Variants in MBOAT2 observed in about 807,000 individuals in gnomAD.
MBOAT2 encodes the protein membrane-bound glycerophospholipid O-acyltransferase 2.
In MBOAT2, 28 loss-of-function variants were observed where a neutral mutation model predicts 63.4. The observed-to-expected ratio is 0.44, with a 90% CI of 0.33 to 0.61. MBOAT2 has a LOEUF of 0.61. Among genes scored for constraint, MBOAT2 ranks in the 20% least tolerant of loss-of-function variants. The pLI is 0.03. For synonymous variants in MBOAT2, 211 were observed against 215.6 expected (o/e 0.98, Z 0.19); for missense variants, 470 against 605.8 (o/e 0.78, Z 2.35).
intron 6 of MBOAT2, among the ~76,000 whole-genome samples, chr2:8,877,720 T>C (rs1662798044): frequency 6.6e-6 from 1 of 152,236 alleles, no homozygotes; most frequent in Non-Finnish European, 1.5e-5. Context: ...TATTAAGAAG[T>C]CAGAGAAGGC....
At chr2:8,943,003 C>T (rs1203860338) in intron 3 of MBOAT2, among the ~76,000 whole-genome samples, 184 bp downstream of exon 3, 2 of 152,146 alleles carry the variant, frequency 1.3e-5, no homozygotes, top group Non-Finnish European at 2.9e-5. Flanking sequence ...AAAATGTCAA[C>T]GGTGCTTTAA....
rs559789224 is a variant in MBOAT2, at chr2:8,917,223, A to T, written c.300-8507T>A. Among the ~76,000 whole-genome samples the T allele has an allele frequency of 7.2e-5, 11 of 152,300 alleles. No individual in the cohort carries two copies. In the East Asian group the frequency reaches 1.7e-3, roughly 24 times the overall value. ...AAGGGCAGGCACAGGTTTCTTAGTA[A>T]AAGATAAAAAGCTCCAAACTAAAAA... On this transcript the variant is annotated intron_variant, in intron 3 of 12. Coordinates refer to ENST00000305997, the MANE Select transcript of MBOAT2 (RefSeq NM_138799.4).
intron 1 of MBOAT2, among the ~76,000 whole-genome samples, chr2:8,962,384 CT>C (rs1669675691): frequency 3.3e-5 from 5 of 152,204 alleles, no homozygotes. Flanking sequence ...ATCTGATTCT[CT>C]TCTCCTTCTG....
chr2:8,969,624 C>T (rs571103530), intron 1 of MBOAT2, among the ~76,000 whole-genome samples: 2 of 152,236 alleles, frequency 1.3e-5, no homozygotes, highest in African/African-American at 4.8e-5. Flanking sequence ...TCAGGAGACC[C>T]ATCTCATGTG....
intron 3 of MBOAT2, among the ~76,000 whole-genome samples, chr2:8,933,317 T>C (rs975107183): frequency 6.6e-6 from 1 of 152,202 alleles, no homozygotes; most frequent in Non-Finnish European, 1.5e-5. Context: ...ATCAGATATA[T>C]CATCAAATTG....
intron 2 of MBOAT2, 75 bp downstream of exon 2, chr2:8,958,422 G>A (rs1309094230): frequency 4.4e-6 from 6 of 1,351,902 alleles, no homozygotes; most frequent in Non-Finnish European, 5.9e-6. Context: ...CCTACATAAT[G>A]TATCTTTCCA....
At chr2:8,916,469 T>C (rs1398673177) in intron 3 of MBOAT2, among the ~76,000 whole-genome samples, 1 of 152,224 alleles carries the variant, frequency 6.6e-6, no homozygotes, top group Non-Finnish European at 1.5e-5. Flanking sequence ...ATCTGTTCAC[T>C]TACGTGTTGG....
chr2:8,969,290 G>GA (rs931591980), intron 1 of MBOAT2, among the ~76,000 whole-genome samples: 7 of 152,062 alleles, frequency 4.6e-5, no homozygotes, highest in Non-Finnish European at 7.3e-5. Context: ...AAGTGAAGGA[G>GA]AAATAAAATA....
At chr2:8,884,814 A>G (rs1161834550) in intron 5 of MBOAT2, among the ~76,000 whole-genome samples, 1 of 152,248 alleles carries the variant, frequency 6.6e-6, no homozygotes, top group Non-Finnish European at 1.5e-5. Context: ...TCAAAAGTCT[A>G]CACGCACAAC....
At chr2:8,939,582 C>CA (rs1667904568) in intron 3 of MBOAT2, among the ~76,000 whole-genome samples, 2 of 152,140 alleles carry the variant, frequency 1.3e-5, no homozygotes, top group South Asian at 4.1e-4. Context: ...GTCAGAGACA[C>CA]AGTCAGGCCA....
chr2:8,895,495 C>T (rs1664383883), intron 4 of MBOAT2, among the ~76,000 whole-genome samples: 2 of 152,174 alleles, frequency 1.3e-5, no homozygotes, highest in African/African-American at 4.8e-5. Context: ...TAGCTAGACA[C>T]AGAGCGCTGA....
At chr2:8,967,935 T>G (rs770157943) in intron 1 of MBOAT2, among the ~76,000 whole-genome samples, 1 of 152,140 alleles carries the variant, frequency 6.6e-6, no homozygotes, top group African/African-American at 2.4e-5. Context: ...AGTTCCAAGA[T>G]GGCCGAATAG....
intron 3 of MBOAT2, among the ~76,000 whole-genome samples, chr2:8,941,949 T>A (rs187778996): frequency 2.0e-5 from 3 of 152,350 alleles, no homozygotes; most frequent in Admixed American, 6.5e-5. Context: ...CTAAACCTGA[T>A]TAATATCTTT....
chr2:8,908,590 A>G (rs778563845), intron 4 of MBOAT2, 31 bp downstream of exon 4: 1 of 1,276,998 alleles, frequency 7.8e-7, no homozygotes, highest in Non-Finnish European at 1.1e-6. Flanking sequence ...AATGGATAAA[A>G]CAGGCTACTG....
At position 8,859,787 on chromosome 2, in the gene MBOAT2, T is replaced by C. The variant is rs142877014; in HGVS notation, c.1337+826A>G. Reference sequence around the variant, plus strand: ...GCAGGGAGAGGAGATAAGTAGATTATAAAAATACAGAATTCGAGACAAGAC... The same window carrying C: ...GCAGGGAGAGGAGATAAGTAGATTACAAAAATACAGAATTCGAGACAAGAC... On this transcript the variant is annotated intron_variant, in intron 12 of 12. Coordinates refer to ENST00000305997, the MANE Select transcript of MBOAT2 (RefSeq NM_138799.4). 2.4e-4 allele frequency among the ~76,000 whole-genome samples: 37 copies of C among 152,288 alleles called. No individual in the cohort carries two copies. In the East Asian group the frequency reaches 7.1e-3, roughly 29 times the overall value.
chr2:8,963,802 C>T (rs573862843), intron 1 of MBOAT2, among the ~76,000 whole-genome samples: 1 of 152,292 alleles, frequency 6.6e-6, no homozygotes, highest in South Asian at 2.1e-4. Context: ...TATGCTTTTA[C>T]TATGTGCTAG....
In MBOAT2 at chr2:8,858,779, T is replaced by C. The variant is rs1661288552; in HGVS notation, c.1463A>G (p.Glu488Gly). Residue 488 changes from glutamate to glycine, a missense_variant, in exon 13 of 13, where the codon GAA (glutamate) becomes GGA (glycine). By Grantham distance (98) the Glu-to-Gly change is moderately conservative. Around this residue, in one of 3 missense-constraint regions of MBOAT2, gnomAD observed 90 missense variants for 84.9 expected, o/e 1.06. Transcript: ENST00000305997. ...GTTCTGTCCCAAAGAATTTTCTCCTTCATCAAACTTTTTGGATTGTGAGAG... is the reference window on the plus strand; with the variant it reads ...GTTCTGTCCCAAAGAATTTTCTCCTCCATCAAACTTTTTGGATTGTGAGAG... ...IQLSQSKKFD[E>G]GENSLGQNSF... 3 of 1,614,042 alleles carry C rather than the reference T, an allele frequency of 1.9e-6. No individual in the cohort carries two copies. The highest frequency in any genetic ancestry group is 1.3e-5 in the African/African-American group (1 of 74,936).
Position 8,862,828 on chromosome 2 carries a change from G to T in MBOAT2, c.1053-106C>A. The T allele has an allele frequency of 1.5e-6, 2 of 1,349,102 alleles. No individual in the cohort carries two copies. The highest frequency in any genetic ancestry group is 9.9e-7 in the Non-Finnish European group (1 of 1,006,174). 83.6% of individuals were successfully genotyped at this position (1,349,102 alleles called of 1,614,324 possible). A position where few individuals can be genotyped will look rare whatever the true frequency, so the allele number is the denominator to read the frequency against. On this transcript the variant is annotated intron_variant, in intron 10 of 12. Coordinates refer to ENST00000305997, the MANE Select transcript of MBOAT2 (RefSeq NM_138799.4). The surrounding 1 kb of genome is among the most constrained non-coding windows in gnomAD (Gnocchi z 4.3). Reference sequence around the variant, plus strand: ...TACCTGACAGGATTTAGGGTAACTAGAAAAACAAATACAACTTATCTTAGG... The same window carrying T: ...TACCTGACAGGATTTAGGGTAACTATAAAAACAAATACAACTTATCTTAGG...
At chr2:8,926,024 G>C (rs1666908137) in intron 3 of MBOAT2, among the ~76,000 whole-genome samples, 1 of 152,164 alleles carries the variant, frequency 6.6e-6, no homozygotes, top group African/African-American at 2.4e-5. Context: ...TGGATAATGT[G>C]ACAAAGCTAC....
Sources: allele counts gnomAD v4.1 joint callset (sites outside exome capture counted in the v4.1 genomes callset), GRCh38; gene constraint gnomAD v4.1.1; regional missense constraint gnomAD v4.1.1; non-coding constraint Gnocchi (gnomAD v3.1); transcripts MANE v1.5; gene names NCBI Gene and HGNC (gene_info 2026-07-23, HGNC 2026-07-21).